Variants in NEDD9 observed in about 807,000 individuals in gnomAD.
The protein encoded by NEDD9 is neural precursor cell expressed, developmentally down-regulated 9.
NEDD9 carries 26 observed loss-of-function variants against 76.6 expected under a neutral mutation model. The observed-to-expected ratio is 0.34, with a 90% confidence interval of 0.25 to 0.47. The LOEUF is 0.47. Among genes scored for constraint, NEDD9 ranks in the 20% least tolerant of loss-of-function variants. The probability of loss-of-function intolerance (pLI) is 1.00; values close to 1 mark genes in which losing one functional copy is unlikely to be tolerated. For missense variants in NEDD9, 937 were observed against 1,058.5 expected, an observed-to-expected ratio of 0.89 and a Z score of 1.59; for synonymous variants, 392 against 414.2, an observed-to-expected ratio of 0.95 and a Z score of 0.65.
intron 2 of NEDD9, among the ~76,000 whole-genome samples, chr6:11,315,606 CA>C (rs1761528220): frequency 6.6e-6 from 1 of 152,120 alleles, no homozygotes; most frequent in African/African-American, 2.4e-5. Context: ...TCAATTTAAC[CA>C]GTTTAAATGT....
chr6:11,188,148 G>T, intron 6 of NEDD9, 70 bp downstream of exon 6: 2 of 1,150,196 alleles, frequency 1.7e-6, no homozygotes, highest in Non-Finnish European at 2.6e-6. Context: ...CTCTTGAAGT[G>T]ATACCTTTCC....
intron 3 of NEDD9, among the ~76,000 whole-genome samples, chr6:11,256,722 C>T (rs1760010777): frequency 6.6e-6 from 1 of 152,172 alleles, no homozygotes; most frequent in Admixed American, 6.5e-5. Flanking sequence ...CTTTGACCTC[C>T]CAAAGTGCTG....
chr6:11,195,362 T>C (rs185240358), intron 2 of NEDD9, among the ~76,000 whole-genome samples: 9 of 152,326 alleles, frequency 5.9e-5, no homozygotes, highest in African/African-American at 1.7e-4. Flanking sequence ...CTTTATAGAA[T>C]GGCCACTGTA....
At chr6:11,366,294 G>GGAAGGAAGGAAGTAAGGAAGGAAGGAAA (rs58662867) in intron 1 of NEDD9, among the ~76,000 whole-genome samples, 1 of 117,298 alleles carries the variant, frequency 8.5e-6, no homozygotes, top group African/African-American at 3.5e-5. Context: ...AAGGAAGGAA[G>GGAAGGAAGGAAGTAAGGAAGGAAGGAAA]GAAAGAAAGA....
In NEDD9 at chr6:11,204,769, A is replaced by T. The variant is rs370916984; in HGVS notation, c.459+8512T>A. Among the ~76,000 whole-genome samples, 3 of 151,928 alleles carry T rather than the reference A, an allele frequency of 2.0e-5. No individual in the cohort carries two copies. In the East Asian group the frequency reaches 5.8e-4, roughly 29 times the overall value. Reference sequence around the variant, plus strand: ...AAGAAAGAAAAGAAAAGGAAAGAAAAGACTTTTCTGTGTGGCAGAGAAAGC... The same window carrying T: ...AAGAAAGAAAAGAAAAGGAAAGAAATGACTTTTCTGTGTGGCAGAGAAAGC... On this transcript the variant is annotated intron_variant, in intron 2 of 6. Transcript: ENST00000379446.
chr6:11,371,440 C>G (rs1326714008), intron 1 of NEDD9, among the ~76,000 whole-genome samples: 1 of 152,202 alleles, frequency 6.6e-6, no homozygotes, highest in African/African-American at 2.4e-5. Context: ...TCCCTCCCTC[C>G]TTGCAGTCCC....
intron 1 of NEDD9, among the ~76,000 whole-genome samples, chr6:11,344,642 A>G (rs1334400292): frequency 6.6e-6 from 1 of 152,194 alleles, no homozygotes; most frequent in Non-Finnish European, 1.5e-5. Context: ...GGCATAGCAC[A>G]TGCTTTAGCA....
chr6:11,274,011 A>T (rs1029952506), intron 3 of NEDD9, among the ~76,000 whole-genome samples: 3 of 152,212 alleles, frequency 2.0e-5, no homozygotes, highest in Admixed American at 6.5e-5. Context: ...GGCTGCAATG[A>T]ACATGCTACG....
At chr6:11,352,384 C>T (rs575706316) in intron 1 of NEDD9, 1 of 152,268 alleles carries the variant, frequency 6.6e-6, no homozygotes, top group African/African-American at 2.4e-5. Flanking sequence ...CATTCACCCA[C>T]AGCCGCTCGG....
At position 11,331,095 on chromosome 6, in the gene NEDD9, C is replaced by G. The variant is rs377102899; in HGVS notation, c.-153+3406G>C. ...TAGCTGAAACAAATCAAACCAAACC[C>G]AAAATGCTCTTTTCCTCAATGTTCT... On this transcript the variant is annotated intron_variant, in intron 2 of 3. Transcript: ENST00000397378. Among the ~76,000 whole-genome samples the G allele has an allele frequency of 5.3e-5, 8 of 152,246 alleles. No individual in the cohort carries two copies. The East Asian group carries it at 1.2e-3, about 22-fold the overall frequency.
chr6:11,374,066 C>CTCTCTATA (rs1554136634), intron 1 of NEDD9, among the ~76,000 whole-genome samples: 36 of 149,672 alleles, frequency 2.4e-4, no homozygotes, highest in African/African-American at 7.9e-4. Context: ...CTCTCTCTCT[C>CTCTCTATA]TATATATATA....
At chr6:11,367,983 G>T (rs998000503) in intron 1 of NEDD9, among the ~76,000 whole-genome samples, 18 of 152,218 alleles carry the variant, frequency 1.2e-4, no homozygotes, top group African/African-American at 4.3e-4. Context: ...GGTCAGGGCT[G>T]GTGATCAAAA....
intron 1 of NEDD9, among the ~76,000 whole-genome samples, chr6:11,337,551 G>A (rs1762188197): frequency 6.6e-6 from 1 of 152,188 alleles, no homozygotes; most frequent in African/African-American, 2.4e-5. Flanking sequence ...TCATAGTCTT[G>A]CGGGACCACG....
intron 3 of NEDD9, among the ~76,000 whole-genome samples, chr6:11,294,161 G>A (rs1423817674): frequency 6.6e-6 from 1 of 152,106 alleles, no homozygotes; most frequent in Non-Finnish European, 1.5e-5. Context: ...ACTCTTTGAG[G>A]TACTGATTTC....
rs372980300 is a variant in NEDD9, at chr6:11,189,974, A to G, written c.1895T>C (p.Val632Ala). Residue 632 changes from valine to alanine, a missense_variant, in exon 5 of 7, where the codon GTC (valine) becomes GCC (alanine). Physicochemically the swap from Val to Ala is moderately conservative, Grantham distance 64. Transcript: ENST00000379446. ...GTTCCGCTGTTTTACCTGTAGGTGG[A>G]CGTAATCGTAGTCATCCATCCAGCT... ...ERSWMDDYDY[V>A]HLQGKEEFER... is the part of the protein sequence containing the mutation. 1 of 1,516,104 alleles carries G rather than the reference A, an allele frequency of 6.6e-7. No individual in the cohort carries two copies. The highest frequency in any genetic ancestry group is 8.8e-7 in the Non-Finnish European group (1 of 1,133,456). 93.9% of individuals were successfully genotyped at this position (1,516,104 alleles called of 1,614,324 possible). A position where few individuals can be genotyped will look rare whatever the true frequency, so the allele number is the denominator to read the frequency against.
At chr6:11,356,320 T>C (rs1169615936) in intron 1 of NEDD9, among the ~76,000 whole-genome samples, 1 of 152,220 alleles carries the variant, frequency 6.6e-6, no homozygotes, top group Non-Finnish European at 1.5e-5. Context: ...CTGCCACACC[T>C]GGATATTTCT....
chr6:11,284,391 TAA>T (rs1168452567), intron 3 of NEDD9, among the ~76,000 whole-genome samples: 6 of 70,238 alleles, frequency 8.5e-5, no homozygotes, highest in Admixed American at 1.7e-4. Flanking sequence ...CCGTCTCTAC[TAA>T]AAAAAAAAAA....
intron 3 of NEDD9, among the ~76,000 whole-genome samples, chr6:11,238,435 CG>C (rs1283264581): frequency 1.3e-5 from 2 of 152,206 alleles, no homozygotes; most frequent in Admixed American, 6.5e-5. Context: ...TCAATAAGGT[CG>C]AGTCTCCACC....
At chr6:11,226,319 G>GTTTTTTTCCCC (rs1759308062) in intron 1 of NEDD9, among the ~76,000 whole-genome samples, 1 of 152,072 alleles carries the variant, frequency 6.6e-6, no homozygotes, top group Admixed American at 6.6e-5. Context: ...CTATCACCTA[G>GTTTTTTTCCCC]GAAACCGTCA....
Sources: allele counts gnomAD v4.1 joint callset (sites outside exome capture counted in the v4.1 genomes callset), GRCh38; gene constraint gnomAD v4.1.1; transcripts MANE v1.5; gene names NCBI Gene and HGNC (gene_info 2026-07-23, HGNC 2026-07-21).